Variants in ACSM2A observed in about 807,000 individuals in gnomAD.
ACSM2A encodes acyl-coenzyme A synthetase ACSM2A, mitochondrial.
A neutral mutation model predicts 76.6 loss-of-function variants in ACSM2A; 72 were observed. The ratio of observed to expected loss-of-function variants is 0.94; its 90% confidence interval spans 0.78 to 1.14. The LOEUF (loss-of-function observed/expected upper bound fraction) is 1.14. ACSM2A is among the 50% of genes most tolerant of loss of function. ACSM2A has a pLI of 0.00. For synonymous variants in ACSM2A, 249 were observed against 255.9 expected, an observed-to-expected ratio of 0.97 and a Z score of 0.26; for missense variants, 684 against 708.5, an observed-to-expected ratio of 0.97 and a Z score of 0.39.
At chr16:20,458,102 A>G (rs917060540) in intron 1 of ACSM2A, among the ~76,000 whole-genome samples, 1 of 151,600 alleles carries the variant, frequency 6.6e-6, no homozygotes, top group Admixed American at 6.6e-5. Context: ...AATATACCTA[A>G]CCAAAGACCT....
At position 20,487,612 on chromosome 16, in the gene ACSM2A, T is replaced by C. The variant is rs1306230204; in HGVS notation, c.*934T>C. On this transcript the variant is annotated 3_prime_UTR_variant, in exon 14 of 14. Transcript: ENST00000573854. ...AAAGTTATCAGCTACCCATATCTCATGTTTTTGATGTTATCTACTCTTCCT... is the reference window on the plus strand; with the variant it reads ...AAAGTTATCAGCTACCCATATCTCACGTTTTTGATGTTATCTACTCTTCCT... The C allele has an allele frequency of 1.3e-5, 2 of 152,230 alleles. No homozygotes were observed. The highest frequency in any genetic ancestry group is 6.5e-5 in the Admixed American group (1 of 15,288). The allele number at this position is 152,230 out of a possible 1,614,324, so 9.4% of individuals were successfully genotyped here. A position where few individuals can be genotyped will look rare whatever the true frequency, so the allele number is the denominator to read the frequency against.
chr16:20,481,740 A>G (rs541507731), intron 12 of ACSM2A: 12 of 144,614 alleles, frequency 8.3e-5, no homozygotes, highest in African/African-American at 3.0e-4. Context: ...TGTTCTCAAC[A>G]CACACAAATT....
At chr16:20,465,905 T>C (rs2012967505) in intron 3 of ACSM2A, among the ~76,000 whole-genome samples, 178 bp downstream of exon 3, 1 of 152,172 alleles carries the variant, frequency 6.6e-6, no homozygotes, top group East Asian at 1.9e-4. Context: ...GCCAAGCACT[T>C]ATGCAGGGTG....
At position 20,480,906 on chromosome 16, in the gene ACSM2A, C is replaced by A. The variant is rs145574596; in HGVS notation, c.1494C>A (p.Asp498Glu). The A allele has an allele frequency of 5.6e-6, 9 of 1,613,916 alleles. No individual in the cohort carries two copies. In the African/African-American group the frequency reaches 9.3e-5, roughly 17 times the overall value. Residue 498 changes from aspartate to glutamate, a missense_variant, in exon 12 of 14, where the codon GAC (aspartate) becomes GAA (glutamate). By Grantham distance (45) the Asp-to-Glu change is conservative. Coordinates refer to ENST00000573854, the MANE Select transcript of ACSM2A (RefSeq NM_001308172.2). ...VVETAVISSP[D>E]PVRGEVVKAF... ...AGACGGCTGTGATCAGCAGCCCAGA[C>A]CCCGTCCGAGGAGAGGTGATGGGGA...
intron 3 of ACSM2A, among the ~76,000 whole-genome samples, chr16:20,467,544 G>A (rs1176759928): frequency 6.6e-6 from 1 of 152,238 alleles, no homozygotes; most frequent in Admixed American, 6.5e-5. Flanking sequence ...GAGATAAGTG[G>A]ATTTAACAGG....
chr16:20,486,602 C>T lies in ACSM2A; in HGVS notation c.1658C>T (p.Thr553Ile), dbSNP rs761237925. 8 of 1,614,172 alleles carry T rather than the reference C, an allele frequency of 5.0e-6. No homozygotes were observed. Among genetic ancestry groups the T allele is most frequent in the Non-Finnish European group, 5.9e-6 (7 of 1,180,014 alleles). The change falls in exon 14 of 14, where the codon ACT (threonine) becomes ATT (isoleucine). Residue 553 changes from threonine to isoleucine, a missense_variant. Coordinates refer to ENST00000573854, the MANE Select transcript of ACSM2A (RefSeq NM_001308172.2). ...KIEFVLNLPK[T>I]VTGKIQRAKL... The stretch of plus-strand genomic sequence containing the variant: ...GAGTTTGTCTTGAACCTGCCCAAGA[C>T]TGTCACAGGGAAAATTCAACGAGCC...
rs1192325655 is a variant in ACSM2A at position 20,486,664 on chromosome 16, G to T, written c.1720G>T (p.Ala574Ser). ...CAAGGAGTGGAAGATGTCCGGAAAA[G>T]CCCGTGCGCAGTGAGACATCTAAGA... ...RDKEWKMSGK[A>S]RAQ Residue 574 changes from alanine (A) to serine (S), a missense_variant, in exon 14 of 14, where the codon GCC (alanine) becomes TCC (serine). By Grantham distance (99) the Ala-to-Ser change is moderately conservative. This residue lies in a region of ACSM2A where 159 missense variants were observed against 132.5 expected (regional missense o/e 1.20). Coordinates refer to ENST00000573854, the MANE Select transcript of ACSM2A (RefSeq NM_001308172.2). The T allele has an allele frequency of 4.3e-6, 7 of 1,614,058 alleles. No individual in the cohort carries two copies. Among genetic ancestry groups the T allele is most frequent in the Admixed American group, 1.7e-5 (1 of 60,002 alleles).
chr16:20,460,558 A>G (rs1371546869), intron 2 of ACSM2A, among the ~76,000 whole-genome samples: 1 of 151,994 alleles, frequency 6.6e-6, no homozygotes, highest in Non-Finnish European at 1.5e-5. Flanking sequence ...TAGACTGCAC[A>G]TGCTCTGTTG....
At position 20,463,647 on chromosome 16, in the gene ACSM2A, A is replaced by T. The variant is rs373484921; in HGVS notation, c.178-1870A>T. On this transcript the variant is annotated intron_variant, in intron 2 of 13. Coordinates refer to ENST00000573854, the MANE Select transcript of ACSM2A (RefSeq NM_001308172.2). Reference sequence around the variant, plus strand: ...GATGCCAGCACCATGCTTCCTGTACACCCTGCATAACTGTGAGCCAATTAA... The same window carrying T: ...GATGCCAGCACCATGCTTCCTGTACTCCCTGCATAACTGTGAGCCAATTAA... Among the ~76,000 whole-genome samples, 1,328 of 152,112 alleles carry T rather than the reference A, an allele frequency of 8.7e-3. 18 individuals are homozygous for T. The highest frequency in any genetic ancestry group is 0.028 in the African/African-American group (1,180 of 41,444).
At position 20,487,604 on chromosome 16, in the gene ACSM2A, A is replaced by T. The variant is rs2014444451; in HGVS notation, c.*926A>T. ...GCACTGCCAAAGTTATCAGCTACCC[A>T]TATCTCATGTTTTTGATGTTATCTA... On this transcript the variant is annotated 3_prime_UTR_variant, in exon 14 of 14. Coordinates refer to ENST00000573854, the MANE Select transcript of ACSM2A (RefSeq NM_001308172.2). 1 of 152,242 alleles carries T rather than the reference A, an allele frequency of 6.6e-6. No individual in the cohort carries two copies. Among genetic ancestry groups the T allele is most frequent in the Non-Finnish European group, 1.5e-5 (1 of 68,050 alleles). 9.4% of individuals were successfully genotyped at this position (152,242 alleles called of 1,614,324 possible).
At chr16:20,480,969 G>A (rs2014050616) in intron 12 of ACSM2A, 48 bp downstream of exon 12, 4 of 1,610,320 alleles carry the variant, frequency 2.5e-6, no homozygotes, top group East Asian at 2.2e-5. Context: ...GAACACAAGG[G>A]CAGTGTAGTA....
intron 2 of ACSM2A, among the ~76,000 whole-genome samples, chr16:20,463,396 G>A (rs908547961): frequency 2.0e-5 from 3 of 151,276 alleles, no homozygotes; most frequent in African/African-American, 7.3e-5. Context: ...CAGAGTTGGA[G>A]GTAGGGCCTG....
intron 3 of ACSM2A, among the ~76,000 whole-genome samples, chr16:20,467,517 T>C (rs1026936145): frequency 2.6e-5 from 4 of 152,086 alleles, no homozygotes; most frequent in African/African-American, 9.7e-5. Context: ...TTCAGTTTCG[T>C]TGAGGTAGTA....
intron 2 of ACSM2A, 148 bp from the exon 3 acceptor site, chr16:20,465,369 T>C: frequency 2.8e-6 from 3 of 1,080,076 alleles, no homozygotes; most frequent in Non-Finnish European, 3.9e-6. Context: ...AACAAGTCTT[T>C]AGAATTTTCA....
At chr16:20,473,866 G>A (rs930245135) in intron 6 of ACSM2A, 1 of 337,658 alleles carries the variant, frequency 3.0e-6, no homozygotes, top group Non-Finnish European at 5.7e-6. Context: ...CTAAAGCCTA[G>A]TGCCAGTACC....
chr16:20,452,177 T>C (rs1304318310), intron 1 of ACSM2A: 3 of 151,972 alleles, frequency 2.0e-5, no homozygotes, highest in African/African-American at 7.3e-5. Flanking sequence ...ATCCTGGATG[T>C]GTCTGTGAGG....
intron 6 of ACSM2A, chr16:20,474,009 A>G (rs2013574907): frequency 8.9e-6 from 4 of 447,238 alleles, no homozygotes; most frequent in South Asian, 4.8e-5. Flanking sequence ...AAATCTACCT[A>G]TAAGCTGGAA....
At chr16:20,479,056 G>T (rs758646147) in intron 10 of ACSM2A, among the ~76,000 whole-genome samples, 1 of 152,102 alleles carries the variant, frequency 6.6e-6, no homozygotes, top group Non-Finnish European at 1.5e-5. Flanking sequence ...TTAGAGCCAT[G>T]CCAGGCACTT....
rs376761109 is a variant in ACSM2A at position 20,479,890 on chromosome 16, C to A, written c.1282-683C>A. Among the ~76,000 whole-genome samples the A allele has an allele frequency of 1.3e-3, 200 of 152,078 alleles. 4 individuals are homozygous for A. In the East Asian group the frequency reaches 0.024, roughly 18 times the overall value. ...TAATGGCTGTTTAGCTTCAGACTAACCTCTTGATGTCTCTGGTCATCAGTA... is the reference window on the plus strand; with the variant it reads ...TAATGGCTGTTTAGCTTCAGACTAAACTCTTGATGTCTCTGGTCATCAGTA... On this transcript the variant is annotated intron_variant, in intron 10 of 13. Transcript: ENST00000573854.
Sources: gnomAD v4.1 joint callset for allele counts (sites outside exome capture counted in the v4.1 genomes callset) on GRCh38, gnomAD v4.1.1 for gene constraint, gnomAD v4.1.1 regional missense constraint, MANE v1.5 for transcripts, NCBI Gene and HGNC (gene_info 2026-07-23, HGNC 2026-07-21) for gene names.